DNAJC5G: variants seen among roughly 807,000 people sequenced by gnomAD.
DNAJC5G encodes the protein dnaJ homolog subfamily C member 5G.
In DNAJC5G, 13 loss-of-function variants were observed where a neutral mutation model predicts 19.1. The observed-to-expected ratio is 0.68, with a 90% CI of 0.44 to 1.08. The LOEUF (loss-of-function observed/expected upper bound fraction) is 1.08, where lower values mean the gene tolerates loss of function less well. Among genes scored for constraint, DNAJC5G ranks in the 50% least tolerant of loss-of-function variants. DNAJC5G has a pLI of 0.00. For missense variants in DNAJC5G, 245 were observed against 230.4 expected (o/e 1.06, Z -0.41); for synonymous variants, 81 against 84.4 (o/e 0.96, Z 0.22).
At chr2:27,277,089 G>A (rs1317489387) in intron 3 of DNAJC5G, among the ~76,000 whole-genome samples, 1 of 151,888 alleles carries the variant, frequency 6.6e-6, no homozygotes, top group Non-Finnish European at 1.5e-5. Context: ...CTACAGGCGT[G>A]CACCACCACG....
chr2:27,280,083 C>A, intron 5 of DNAJC5G, 83 bp from the exon 6 acceptor site: 3 of 1,343,312 alleles, frequency 2.2e-6, no homozygotes, highest in Non-Finnish European at 2.1e-6. Flanking sequence ...TGAGTAACTG[C>A]AAGGTAACGG....
In DNAJC5G at chr2:27,276,881, C is replaced by A. The variant is rs1678109645; in HGVS notation, c.113+40C>A. The A allele has an allele frequency of 2.6e-6, 4 of 1,541,550 alleles. No individual in the cohort carries two copies. The South Asian group carries it at 4.7e-5, about 18-fold the overall frequency. Reference sequence around the variant, plus strand: ...CCTTTATTGATCCTTGGAATTTCCCCCTTAAACCTTTTTCTTTCTGTATCT... The same window carrying A: ...CCTTTATTGATCCTTGGAATTTCCCACTTAAACCTTTTTCTTTCTGTATCT... On this transcript the variant is annotated intron_variant, in intron 3 of 6. Transcript: ENST00000296097.
Position 27,280,172 on chromosome 2 carries a change from A to G in DNAJC5G, c.527A>G (p.Lys176Arg), listed in dbSNP as rs1484769048. The change falls in exon 6 of 7, where the codon AAA becomes AGA. Residue 176 changes from lysine (K) to arginine (R), a missense_variant. Lys to Arg is a conservative substitution (Grantham distance 26). Transcript: ENST00000296097. ...VQSQPPRSGAKCDFRSEENSE... is the reference protein window; with the variant it reads ...VQSQPPRSGARCDFRSEENSE... ...ATATATAATTCCATCATAGGAGCCAAATGTGATTTTAGAAGCGAGGAAAAT... is the reference window on the plus strand; with the variant it reads ...ATATATAATTCCATCATAGGAGCCAGATGTGATTTTAGAAGCGAGGAAAAT... The G allele has an allele frequency of 1.9e-6, 3 of 1,613,968 alleles. No individual in the cohort carries two copies. The highest frequency in any genetic ancestry group is 2.2e-5 in the South Asian group (2 of 91,064).
At chr2:27,280,138 T>C (rs372719054) in intron 5 of DNAJC5G, 28 bp from the exon 6 acceptor site, 84 of 1,608,678 alleles carry the variant, frequency 5.2e-5, no homozygotes, top group Non-Finnish European at 6.6e-5. Context: ...CGTTTGTATA[T>C]GTAAACATAT....
In DNAJC5G at chr2:27,278,327, G is replaced by C; in HGVS notation, c.515G>C (p.Arg172Thr). The change falls in exon 5 of 7, where the codon AGG becomes ACG. Residue 172 changes from arginine to threonine, a missense_variant. Transcript: ENST00000296097. ...YQQNVQSQPPRSGAKCDFRSE... is the reference protein window; with the variant it reads ...YQQNVQSQPPTSGAKCDFRSE... The stretch of plus-strand genomic sequence containing the variant: ...CAGAATGTCCAGAGTCAGCCTCCAA[G>C]GTCAGGTGAGAACTGCAAGCAGGGA... The C allele has an allele frequency of 6.2e-7, 1 of 1,614,078 alleles. No homozygotes were observed. The highest frequency in any genetic ancestry group is 8.5e-7 in the Non-Finnish European group (1 of 1,180,010).
chr2:27,278,184 T>G lies in DNAJC5G; in HGVS notation c.376-4T>G, dbSNP rs769366527. The stretch of plus-strand genomic sequence containing the variant: ...GACTGAGGCCATTCTCGCCTACCTT[T>G]TAGACACTTGTCATCCTGTGTACTC... On this transcript the variant is annotated splice_region_variant and splice_polypyrimidine_tract_variant and intron_variant, in intron 4 of 6. Coordinates refer to ENST00000296097, the MANE Select transcript of DNAJC5G (RefSeq NM_173650.3). 1.7e-5 allele frequency: 28 copies of G among 1,614,208 alleles called. No homozygotes were observed. In the Middle Eastern group the frequency reaches 4.9e-4, roughly 29 times the overall value.
chr2:27,277,267 T>TTTGTTTGTTTGTTTG (rs1553377762), intron 3 of DNAJC5G, among the ~76,000 whole-genome samples: 78 of 150,046 alleles, frequency 5.2e-4, no homozygotes, highest in African/African-American at 1.9e-3. Context: ...TGTTTGTTTG[T>TTTGTTTGTTTGTTTG]TTGTTTGTTT....
chr2:27,280,065 G>GATGC, intron 5 of DNAJC5G, 101 bp from the exon 6 acceptor site: 2 of 1,075,100 alleles, frequency 1.9e-6, no homozygotes, highest in Non-Finnish European at 2.8e-6. Context: ...GCCACCTGGT[G>GATGC]ATGCTAATGA....
intron 5 of DNAJC5G, among the ~76,000 whole-genome samples, chr2:27,279,123 G>T (rs1184582739): frequency 1.3e-5 from 2 of 151,776 alleles, no homozygotes; most frequent in Admixed American, 1.3e-4. Context: ...CTGGGACAAA[G>T]TGAAGAAAAA....
chr2:27,275,663 C>T (rs962665562), intron 1 of DNAJC5G, 110 bp downstream of exon 1: 18 of 187,416 alleles, frequency 9.6e-5, no homozygotes, highest in East Asian at 5.7e-4. Flanking sequence ...GGGCCGCAGG[C>T]GTCTACCCTG....
chr2:27,277,780 C>CT lies in DNAJC5G; in HGVS notation c.144dup (p.Glu49Ter), dbSNP rs753617355. On this transcript the variant is annotated frameshift_variant, in exon 4 of 7. Transcript: ENST00000296097. LOFTEE classifies it high-confidence loss of function. The stretch of plus-strand genomic sequence containing the variant: ...CATTCCGCATTGCTTCCCCACCCTC[C>CT]TTTTGAGTATCACCTGGGTAGGAAA... The CT allele has an allele frequency of 3.8e-5, 61 of 1,614,078 alleles. No homozygotes were observed. In the African/African-American group the frequency reaches 7.3e-4, roughly 19 times the overall value.
At chr2:27,277,456 G>T (rs1015105860) in intron 3 of DNAJC5G, among the ~76,000 whole-genome samples, 4 of 151,712 alleles carry the variant, frequency 2.6e-5, no homozygotes, top group Non-Finnish European at 4.4e-5. Context: ...TAGAGACAGG[G>T]TTTCACCATG....
chr2:27,276,668 C>CT, intron 2 of DNAJC5G, 58 bp from the exon 3 acceptor site: 1 of 1,536,074 alleles, frequency 6.5e-7, no homozygotes, highest in Non-Finnish European at 8.9e-7. Context: ...TGGAAGTGCA[C>CT]TTCTCGGTAC....
rs1276274019 is a variant in DNAJC5G, at chr2:27,275,540, A to G, written c.-299A>G. 1 of 324,924 alleles carries G rather than the reference A, an allele frequency of 3.1e-6. No homozygotes were observed. The highest frequency in any genetic ancestry group is 6.0e-6 in the Non-Finnish European group (1 of 165,528). The allele number at this position is 324,924 out of a possible 1,614,324, so 20.1% of individuals were successfully genotyped here. On this transcript the variant is annotated 5_prime_UTR_variant, in exon 1 of 7. Transcript: ENST00000296097. ...ATGAAGGGCACCCACCTGGCTTAAG[A>G]GAACGACTCCCAGGTAAAGGGCCAG...
At chr2:27,278,878 G>A (rs568460292) in intron 5 of DNAJC5G, among the ~76,000 whole-genome samples, 43 of 150,794 alleles carry the variant, frequency 2.9e-4, no homozygotes, top group African/African-American at 8.5e-4. Flanking sequence ...GGTGGCGGGC[G>A]CCTGTAACCC....
Position 27,278,350 on chromosome 2 carries a change from G to A in DNAJC5G, c.520+18G>A, listed in dbSNP as rs201774955. ...AAGGTCAGGTGAGAACTGCAAGCAG[G>A]GACTGTGAGGTAAGAAATGTCTGGA... On this transcript the variant is annotated intron_variant, in intron 5 of 6. Transcript: ENST00000296097. The A allele has an allele frequency of 8.3e-5, 134 of 1,613,426 alleles. No individual in the cohort carries two copies. The highest frequency in any genetic ancestry group is 1.1e-4 in the Non-Finnish European group (133 of 1,179,798).
Position 27,280,195 on chromosome 2 carries a change from A to G in DNAJC5G, c.550A>G (p.Asn184Asp), listed in dbSNP as rs1261765228. The G allele has an allele frequency of 5.0e-6, 8 of 1,613,976 alleles. No individual in the cohort carries two copies. Among genetic ancestry groups the G allele is most frequent in the African/African-American group, 1.3e-5 (1 of 74,916 alleles). ...CAAATGTGATTTTAGAAGCGAGGAAAATAGCGAAGATGATTTTTAAGAGAT... is the reference window on the plus strand; with the variant it reads ...CAAATGTGATTTTAGAAGCGAGGAAGATAGCGAAGATGATTTTTAAGAGAT... Reference protein sequence around the residue: ...GAKCDFRSEENSEDDF With the variant: ...GAKCDFRSEEDSEDDF The change falls in exon 6 of 7, where the codon AAT becomes GAT. Residue 184 changes from asparagine (N) to aspartate (D), a missense_variant. Transcript: ENST00000296097.
chr2:27,276,842 G>A lies in DNAJC5G; in HGVS notation c.113+1G>A, dbSNP rs762007084. On this transcript the variant is annotated splice_donor_variant, in intron 3 of 6. Coordinates refer to ENST00000296097, the MANE Select transcript of DNAJC5G (RefSeq NM_173650.3). LOFTEE classifies it high-confidence loss of function. ...CTGAAGACTTCAAAAAATCCTACAG[G>A]TTCAGACCTCAGCCCTTTATTGATC... The A allele has an allele frequency of 1.3e-5, 21 of 1,612,448 alleles. No individual in the cohort carries two copies. In the East Asian group the frequency reaches 4.0e-4, roughly 31 times the overall value.
rs1677980099 is a variant in DNAJC5G, at chr2:27,275,491, G to T, written c.-348G>T. The T allele has an allele frequency of 3.0e-6, 1 of 332,992 alleles. No individual in the cohort carries two copies. Among genetic ancestry groups the T allele is most frequent in the Non-Finnish European group, 5.9e-6 (1 of 168,606 alleles). The allele number at this position is 332,992 out of a possible 1,614,324, so 20.6% of individuals were successfully genotyped here. The stretch of plus-strand genomic sequence containing the variant: ...CGCAGTCAACTGCTGGACCCGGCCG[G>T]TGTGAAGTTTCACACCCAAAAGGAT... On this transcript the variant is annotated 5_prime_UTR_variant, in exon 1 of 7. Coordinates refer to ENST00000296097, the MANE Select transcript of DNAJC5G (RefSeq NM_173650.3).
Sources: allele counts gnomAD v4.1 joint callset (sites outside exome capture counted in the v4.1 genomes callset), GRCh38; gene constraint gnomAD v4.1.1; transcripts MANE v1.5; gene names NCBI Gene and HGNC (gene_info 2026-07-23, HGNC 2026-07-21).